The following RGL1 variants were observed in gnomAD, a reference collection of about 807,000 sequenced individuals.
RGL1 encodes the protein ral guanine nucleotide dissociation stimulator like 1.
Under a neutral mutation model 95.2 loss-of-function variants are expected in RGL1, and 24 were observed. The observed-to-expected ratio is 0.25, with a 90% CI of 0.18 to 0.35. The LOEUF (loss-of-function observed/expected upper bound fraction) is 0.35. Ranked by LOEUF, RGL1 falls within the 10% of genes least tolerant of loss-of-function variation. The probability of loss-of-function intolerance (pLI) is 1.00; values close to 1 mark genes in which losing one functional copy is unlikely to be tolerated. For missense variants in RGL1, 715 were observed against 936.3 expected, an observed-to-expected ratio of 0.76 and a Z score of 3.08; for synonymous variants, 329 against 344.9, an observed-to-expected ratio of 0.95 and a Z score of 0.51.
chr1:183,789,804 T>A (rs921561723), intron 2 of RGL1, among the ~76,000 whole-genome samples: 2 of 151,696 alleles, frequency 1.3e-5, no homozygotes, highest in African/African-American at 4.8e-5. Flanking sequence ...TGGACAGGTA[T>A]GGCAGCTTTG....
intron 2 of RGL1, among the ~76,000 whole-genome samples, chr1:183,818,316 G>C (rs1662222973): frequency 6.6e-6 from 1 of 152,174 alleles, no homozygotes; most frequent in South Asian, 2.1e-4. Flanking sequence ...TCTTAGTAGA[G>C]AATCCGGAGT....
In RGL1 at chr1:183,916,544, C is replaced by T. The variant is rs1385904258; in HGVS notation, c.1847C>T (p.Ser616Phe). ...ATCAACCCCCTCTCCTCCCCTCCGT[C>T]CTGCAACAACAACCCCAAAATCCAC... Reference protein sequence around the residue: ...SLINPLSSPPSCNNNPKIHKR... With the variant: ...SLINPLSSPPFCNNNPKIHKR... The change falls in exon 16 of 18, where the codon TCC becomes TTC. Residue 616 changes from serine (S) to phenylalanine (F), a missense_variant. Ser to Phe is a radical substitution (Grantham distance 155). This residue lies in a region of RGL1 where 330 missense variants were observed against 429.6 expected (regional missense o/e 0.77). Coordinates refer to ENST00000360851, the MANE Select transcript of RGL1 (RefSeq NM_001297671.3). The T allele has an allele frequency of 6.2e-7, 1 of 1,613,774 alleles. No individual in the cohort carries two copies. Among genetic ancestry groups the T allele is most frequent in the Non-Finnish European group, 8.5e-7 (1 of 1,179,986 alleles).
intron 2 of RGL1, among the ~76,000 whole-genome samples, chr1:183,846,544 A>AT (rs1459923264): frequency 1.3e-4 from 19 of 151,952 alleles, no homozygotes; most frequent in Admixed American, 5.9e-4. Flanking sequence ...TAATTTTTAA[A>AT]AAAAAAAAGA....
intron 1 of RGL1, among the ~76,000 whole-genome samples, chr1:183,640,882 T>A (rs1215087979): frequency 1.3e-5 from 2 of 152,310 alleles, no homozygotes; most frequent in East Asian, 3.9e-4. Flanking sequence ...ATTTCACCAG[T>A]TGACATTATA....
intron 1 of RGL1, among the ~76,000 whole-genome samples, chr1:183,714,981 T>C (rs1186115621): frequency 6.6e-6 from 1 of 152,202 alleles, no homozygotes; most frequent in East Asian, 1.9e-4. Flanking sequence ...CCATGCTATA[T>C]ATATTTTACC....
chr1:183,673,663 C>A (rs1247702642), intron 1 of RGL1, among the ~76,000 whole-genome samples: 1 of 152,214 alleles, frequency 6.6e-6, no homozygotes, highest in Non-Finnish European at 1.5e-5. Flanking sequence ...CATTTAGAAT[C>A]TTTGTTATAT....
chr1:183,872,097 G>A (rs752305622), intron 4 of RGL1, among the ~76,000 whole-genome samples: 29 of 152,078 alleles, frequency 1.9e-4, no homozygotes, highest in African/African-American at 3.4e-4. Flanking sequence ...CATTCTACCC[G>A]TGCCCTTTTC....
intron 2 of RGL1, among the ~76,000 whole-genome samples, chr1:183,836,731 A>G (rs1424774117): frequency 6.6e-6 from 1 of 152,160 alleles, no homozygotes; most frequent in Non-Finnish European, 1.5e-5. Flanking sequence ...ATACGTGCCA[A>G]AAACAGTGCT....
intron 14 of RGL1, among the ~76,000 whole-genome samples, chr1:183,910,982 G>A (rs1326897734): frequency 6.6e-6 from 1 of 152,214 alleles, no homozygotes; most frequent in Admixed American, 6.5e-5. Flanking sequence ...GTTCTCAGGA[G>A]TCTAAGCCTG....
intron 2 of RGL1, chr1:183,742,378 C>A: frequency 6.7e-7 from 1 of 1,491,662 alleles, no homozygotes; most frequent in Non-Finnish European, 9.3e-7. Flanking sequence ...GCACCACAGG[C>A]CAGCTTGGCA....
At chr1:183,851,012 A>G (rs929536320) in intron 3 of RGL1, among the ~76,000 whole-genome samples, 3 of 152,222 alleles carry the variant, frequency 2.0e-5, no homozygotes, top group African/African-American at 7.2e-5. Context: ...TCTATGACTC[A>G]TGTACATCCA....
chr1:183,878,477 C>T (rs373341074), intron 4 of RGL1, among the ~76,000 whole-genome samples: 1 of 152,206 alleles, frequency 6.6e-6, no homozygotes, highest in East Asian at 1.9e-4. Flanking sequence ...GGATTACAGG[C>T]GTGAGCCACC....
chr1:183,856,668 TA>T (rs906747813), intron 3 of RGL1, among the ~76,000 whole-genome samples: 32 of 150,312 alleles, frequency 2.1e-4, no homozygotes, highest in African/African-American at 7.8e-4. Context: ...AGGTGTTTTT[TA>T]AAAAAAGGTA....
chr1:183,790,044 C>T (rs1309527044), intron 2 of RGL1, among the ~76,000 whole-genome samples: 1 of 151,836 alleles, frequency 6.6e-6, no homozygotes, highest in East Asian at 2.0e-4. Context: ...CCTCAGCCTC[C>T]CGAGTAGCTG....
intron 1 of RGL1, among the ~76,000 whole-genome samples, chr1:183,678,353 T>C (rs1306002911): frequency 2.0e-5 from 3 of 152,228 alleles, no homozygotes; most frequent in African/African-American, 7.2e-5. Flanking sequence ...GAGTTTTTTA[T>C]TGATTTATAT....
intron 1 of RGL1, among the ~76,000 whole-genome samples, chr1:183,722,944 A>G (rs552606623): frequency 6.6e-6 from 1 of 152,358 alleles, no homozygotes; most frequent in South Asian, 2.1e-4. Flanking sequence ...AATTTTAAAA[A>G]GGCAACAGTA....
chr1:183,775,828 GA>G, intron 2 of RGL1, among the ~76,000 whole-genome samples: 1 of 152,126 alleles, frequency 6.6e-6, no homozygotes, highest in Non-Finnish European at 1.5e-5. Flanking sequence ...TTGGCTCTTT[GA>G]AAATAGTCTT....
At chr1:183,922,492 A>G (rs1459620899) in intron 17 of RGL1, among the ~76,000 whole-genome samples, 156 bp downstream of exon 17, 1 of 152,224 alleles carries the variant, frequency 6.6e-6, no homozygotes, top group East Asian at 1.9e-4. Flanking sequence ...CAACCGTGCC[A>G]TCACCTCACT....
intron 2 of RGL1, among the ~76,000 whole-genome samples, chr1:183,745,857 A>T (rs1157770261): frequency 6.6e-6 from 1 of 152,126 alleles, no homozygotes; most frequent in Admixed American, 6.6e-5. Context: ...TTGTTGACTG[A>T]TTTGGAGAGT....
Sources: allele counts gnomAD v4.1 joint callset (sites outside exome capture counted in the v4.1 genomes callset), GRCh38; gene constraint gnomAD v4.1.1; regional missense constraint gnomAD v4.1.1; transcripts MANE v1.5; gene names NCBI Gene and HGNC (gene_info 2026-07-23, HGNC 2026-07-21).